The following NAALADL2 variants were observed in gnomAD, a reference collection of about 807,000 sequenced individuals.
NAALADL2 encodes N-acetylated alpha-linked acidic dipeptidase like 2.
NAALADL2 carries 76 observed loss-of-function variants against 87.2 expected under a neutral mutation model. The observed-to-expected ratio is 0.87, with a 90% CI of 0.72 to 1.05. NAALADL2 has a LOEUF of 1.05. Ranked by LOEUF, NAALADL2 falls within the 50% of genes least tolerant of loss-of-function variation. NAALADL2 has a pLI of 0.00. For synonymous variants in NAALADL2, 354 were observed against 331.0 expected (o/e 1.07, Z -0.75); for missense variants, 1,089 against 945.8 (o/e 1.15, Z -1.99).
At chr3:175,010,323 C>T (rs556525056) in intron 1 of NAALADL2, among the ~76,000 whole-genome samples, 1 of 152,060 alleles carries the variant, frequency 6.6e-6, no homozygotes. Context: ...CCAATTATGG[C>T]ACATCTTTCA....
intron 2 of NAALADL2, among the ~76,000 whole-genome samples, chr3:174,657,476 A>G (rs904036557): frequency 2.0e-5 from 3 of 152,008 alleles, no homozygotes; most frequent in African/African-American, 7.2e-5. Context: ...TTTTTAAGAC[A>G]TCATGTTTCG....
intron 4 of NAALADL2, among the ~76,000 whole-genome samples, chr3:175,297,838 C>T (rs1430296347): frequency 6.6e-6 from 1 of 152,070 alleles, no homozygotes; most frequent in Admixed American, 6.6e-5. Flanking sequence ...AATGGGCATG[C>T]TTTTCATTTT....
rs868608061 is a variant in NAALADL2, at chr3:175,483,328, T to C, written c.1653+11570T>C. Among the ~76,000 whole-genome samples the C allele has an allele frequency of 8.0e-3, 1,077 of 134,108 alleles. 15 individuals carry two copies. Among genetic ancestry groups the C allele is most frequent in the African/African-American group, 0.033 (1,017 of 31,070 alleles). 88.0% of individuals were successfully genotyped at this position (134,108 alleles called of 152,430 possible). On this transcript the variant is annotated intron_variant, in intron 9 of 13. Transcript: ENST00000454872. ...TTGCAATTGACTTTACTTTTTGGCT[T>C]TTTTTTTTTTTTTAACTTTCCTTTT... is the stretch of plus-strand genomic sequence containing the variant.
chr3:175,113,695 T>G (rs999855028), intron 2 of NAALADL2, among the ~76,000 whole-genome samples: 2 of 151,582 alleles, frequency 1.3e-5, no homozygotes, highest in African/African-American at 4.8e-5. Flanking sequence ...AGAGGCTAGT[T>G]GGACCCTGAA....
In NAALADL2 at chr3:175,627,355, C is replaced by A. The variant is rs9866564; in HGVS notation, c.1865C>A (p.Pro622His). Reference sequence around the variant, plus strand: ...GCAACAAAAATTGAAGAAATGGATCCCTCTTTCAACCTTCATGAAACCATT... The same window carrying A: ...GCAACAAAAATTGAAGAAATGGATCACTCTTTCAACCTTCATGAAACCATT... ...TRATKIEEMD[P>H]SFNLHETITK... The change falls in exon 11 of 14, where the codon CCC (proline) becomes CAC (histidine). Residue 622 changes from proline to histidine, a missense_variant. Transcript: ENST00000454872. 6.4e-6 allele frequency: 10 copies of A among 1,566,774 alleles called. No individual in the cohort carries two copies. The highest frequency in any genetic ancestry group is 5.6e-5 in the Admixed American group (3 of 53,952).
chr3:174,963,497 A>C (rs1007984380), intron 1 of NAALADL2, among the ~76,000 whole-genome samples: 2 of 152,136 alleles, frequency 1.3e-5, no homozygotes, highest in African/African-American at 4.8e-5. Flanking sequence ...AAAACCTTAT[A>C]GTAACTAGAC....
At chr3:174,920,134 T>G (rs1269679553) in intron 1 of NAALADL2, among the ~76,000 whole-genome samples, 1 of 152,188 alleles carries the variant, frequency 6.6e-6, no homozygotes, top group Non-Finnish European at 1.5e-5. Flanking sequence ...ATTTTTTGAA[T>G]AGCAAATAAG....
chr3:174,744,575 A>G (rs1734073012), intron 3 of NAALADL2, among the ~76,000 whole-genome samples: 1 of 152,130 alleles, frequency 6.6e-6, no homozygotes. Context: ...TCAGAACTTG[A>G]ACTCAGCTCT....
At chr3:175,649,255 A>G (rs1484102571) in intron 11 of NAALADL2, among the ~76,000 whole-genome samples, 1 of 152,122 alleles carries the variant, frequency 6.6e-6, no homozygotes, top group Non-Finnish European at 1.5e-5. Context: ...TGAGAGAAAA[A>G]AAGATAAAGA....
intron 13 of NAALADL2, among the ~76,000 whole-genome samples, chr3:175,795,810 TA>T (rs1313905268): frequency 6.6e-6 from 1 of 152,048 alleles, no homozygotes; most frequent in African/African-American, 2.4e-5. Flanking sequence ...TCTAATGGCT[TA>T]AAAAAATAAC....
intron 1 of NAALADL2, among the ~76,000 whole-genome samples, chr3:175,087,710 C>T (rs1719299563): frequency 6.6e-6 from 1 of 152,046 alleles, no homozygotes; most frequent in Non-Finnish European, 1.5e-5. Flanking sequence ...TTGAAGGCAG[C>T]ATGCTCATTA....
At chr3:175,400,645 G>A (rs113673854) in intron 5 of NAALADL2, among the ~76,000 whole-genome samples, 2,245 of 152,186 alleles carry the variant, frequency 0.015, 23 homozygotes, top group Non-Finnish European at 0.022. Context: ...AACAAACCTA[G>A]GATATAAAGC....
chr3:175,553,605 T>C (rs2149495255), intron 9 of NAALADL2, among the ~76,000 whole-genome samples: 1 of 151,646 alleles, frequency 6.6e-6, no homozygotes, highest in South Asian at 2.1e-4. Flanking sequence ...TTTTATTTGC[T>C]TCAAAAAGCA....
intron 13 of NAALADL2, among the ~76,000 whole-genome samples, chr3:175,776,875 GA>G (rs1750320070): frequency 6.6e-6 from 1 of 152,020 alleles, no homozygotes; most frequent in Non-Finnish European, 1.5e-5. Context: ...ATTATGCTCA[GA>G]AAATACCTGC....
intron 3 of NAALADL2, among the ~76,000 whole-genome samples, chr3:174,790,911 A>G (rs1446113395): frequency 6.6e-6 from 1 of 152,178 alleles, no homozygotes; most frequent in African/African-American, 2.4e-5. Flanking sequence ...TACAATTTAC[A>G]TAGAAACAAA....
At chr3:175,364,647 A>C (rs1328344473) in intron 5 of NAALADL2, among the ~76,000 whole-genome samples, 1 of 147,894 alleles carries the variant, frequency 6.8e-6, no homozygotes, top group Non-Finnish European at 1.5e-5. Context: ...ATCTACTCCC[A>C]CCAGTTCCTT....
intron 4 of NAALADL2, among the ~76,000 whole-genome samples, chr3:175,268,512 C>T (rs1752315464): frequency 6.6e-6 from 1 of 151,962 alleles, no homozygotes; most frequent in South Asian, 2.1e-4. Flanking sequence ...TATTTGTTTA[C>T]AAATATTTTT....
intron 2 of NAALADL2, among the ~76,000 whole-genome samples, chr3:175,209,408 A>G (rs1741435450): frequency 6.6e-6 from 1 of 152,078 alleles, no homozygotes; most frequent in African/African-American, 2.4e-5. Flanking sequence ...GTACATGGTT[A>G]TATTTCAGTT....
At chr3:175,782,283 TGA>T (rs1267907204) in intron 13 of NAALADL2, among the ~76,000 whole-genome samples, 2 of 49,596 alleles carry the variant, frequency 4.0e-5, no homozygotes, top group African/African-American at 1.6e-4. Context: ...ATCGCCACAC[TGA>T]CTTCCACAAT....
Sources: allele counts gnomAD v4.1 joint callset (sites outside exome capture counted in the v4.1 genomes callset), GRCh38; gene constraint gnomAD v4.1.1; transcripts MANE v1.5; gene names NCBI Gene and HGNC (gene_info 2026-07-23, HGNC 2026-07-21).